The following EPHB2 variants were observed in gnomAD, a reference collection of about 807,000 sequenced individuals.
The protein encoded by EPHB2 is ephrin type-B receptor 2.
Under a neutral mutation model 96.4 loss-of-function variants are expected in EPHB2, and 18 were observed. The ratio of observed to expected loss-of-function variants is 0.19; its 90% CI spans 0.13 to 0.28. The LOEUF is 0.28. Ranked by LOEUF, EPHB2 falls within the 10% of genes least tolerant of loss-of-function variation. The pLI, the probability that EPHB2 is intolerant of heterozygous loss-of-function variation, is 1.00. For synonymous variants in EPHB2, 506 were observed against 534.1 expected, an observed-to-expected ratio of 0.95 and a Z score of 0.72; for missense variants, 989 against 1,355.4, an observed-to-expected ratio of 0.73 and a Z score of 4.25.
chr1:22,737,373 C>T (rs563330611), intron 1 of EPHB2, among the ~76,000 whole-genome samples: 2 of 152,178 alleles, frequency 1.3e-5, no homozygotes, highest in Admixed American at 1.3e-4. Flanking sequence ...TGACCTGGCC[C>T]CTGAGGCCTT....
intron 3 of EPHB2, among the ~76,000 whole-genome samples, chr1:22,818,516 T>C (rs1212174155): frequency 1.3e-5 from 2 of 152,098 alleles, no homozygotes; most frequent in African/African-American, 2.4e-5. Context: ...GGTCATGGTG[T>C]GTATCTACCT....
In EPHB2 at chr1:22,918,600, A is replaced by G. The variant is rs1039238175; in HGVS notation, c.*5030A>G. On this transcript the variant is annotated 3_prime_UTR_variant, in exon 16 of 16. Transcript: ENST00000374630. The surrounding 1 kb of genome is among the most constrained non-coding windows in gnomAD (Gnocchi z 4.2). The stretch of plus-strand genomic sequence containing the variant: ...CTGTGCTGTGTGATGCTACATACGC[A>G]TGCGAATACACCACCGGGTGGCCTT... 6.6e-6 allele frequency: 1 copy of G among 152,210 alleles called. No homozygotes were observed. The highest frequency in any genetic ancestry group is 1.5e-5 in the Non-Finnish European group (1 of 68,040). 9.4% of individuals were successfully genotyped at this position (152,210 alleles called of 1,614,324 possible).
intron 3 of EPHB2, among the ~76,000 whole-genome samples, chr1:22,835,383 G>A (rs59817007): frequency 0.51 from 77,418 of 151,656 alleles, 19,819 homozygotes; most frequent in Middle Eastern, 0.59. Flanking sequence ...CCATCTCAAA[G>A]AAAAAAGAGT....
Position 22,913,864 on chromosome 1 carries a change from G to T in EPHB2, c.*294G>T, listed in dbSNP as rs748207756. ...AGGAAAGCAATGACTGTTCTTGCGG[G>T]GGATAAAAAAGGGCTTGGGAGATTC... On this transcript the variant is annotated 3_prime_UTR_variant, in exon 16 of 16. Transcript: ENST00000374630. This position sits in a 1 kb window ranked among gnomAD's most constrained non-coding sequence, Gnocchi z 4.1. 15 of 1,597,984 alleles carry T rather than the reference G, an allele frequency of 9.4e-6. No individual in the cohort carries two copies. The Admixed American group carries it at 1.9e-4, about 21-fold the overall frequency.
intron 1 of EPHB2, among the ~76,000 whole-genome samples, chr1:22,723,070 A>G (rs1643502559): frequency 1.3e-5 from 2 of 152,176 alleles, no homozygotes; most frequent in African/African-American, 2.4e-5. Flanking sequence ...GCAGGGAGAG[A>G]GCGTGGGGTC....
chr1:22,713,912 G>A (rs1015318962), intron 1 of EPHB2, among the ~76,000 whole-genome samples: 1 of 152,196 alleles, frequency 6.6e-6, no homozygotes, highest in Non-Finnish European at 1.5e-5. Context: ...CCGACCAAGT[G>A]AAAGAAAGCA....
Position 22,784,365 on chromosome 1 carries a change from C to A in EPHB2, c.127-27C>A, listed in dbSNP as rs966152380. 2 of 1,612,612 alleles carry A rather than the reference C, an allele frequency of 1.2e-6. No homozygotes were observed. The highest frequency in any genetic ancestry group is 2.7e-5 in the African/African-American group (2 of 75,020). ...TGTGCTGGGGCTGAGCCCTTACCTC[C>A]CCACCTGACGAGCATTTTACCCACA... On this transcript the variant is annotated intron_variant, in intron 2 of 15. Transcript: ENST00000374630. This position sits in a 1 kb window ranked among gnomAD's most constrained non-coding sequence, Gnocchi z 5.1.
chr1:22,722,467 G>T (rs1002442924), intron 1 of EPHB2, among the ~76,000 whole-genome samples: 10 of 152,250 alleles, frequency 6.6e-5, no homozygotes, highest in African/African-American at 2.4e-4. Context: ...AAATGGGGAA[G>T]TTGAGGTTCA....
chr1:22,865,967 G>A (rs1001027038), intron 5 of EPHB2, among the ~76,000 whole-genome samples: 13 of 151,640 alleles, frequency 8.6e-5, no homozygotes, highest in African/African-American at 1.9e-4. Context: ...GGAAGTTGCC[G>A]GCCACCACAG....
rs370771618 is a variant in EPHB2, at chr1:22,746,876, G to A, written c.62-34545G>A. On this transcript the variant is annotated intron_variant, in intron 1 of 15. Coordinates refer to ENST00000374630, the MANE Select transcript of EPHB2 (RefSeq NM_017449.5). ...GCACCCTCCTGACCTGTGACCCCCC[G>A]GGGGTGCAAATCTCTTAGGTTAGCC... 3.4e-4 allele frequency among the ~76,000 whole-genome samples: 51 copies of A among 152,208 alleles called. 1 individual carries two copies. The highest frequency in any genetic ancestry group is 9.6e-4 in the African/African-American group (40 of 41,530).
At chr1:22,765,049 G>T (rs980530798) in intron 1 of EPHB2, among the ~76,000 whole-genome samples, 54 of 152,204 alleles carry the variant, frequency 3.5e-4, no homozygotes, top group Non-Finnish European at 1.6e-4. Context: ...GGCTGCTTGT[G>T]GGAGAGCAGA....
chr1:22,732,617 T>C (rs934463932), intron 1 of EPHB2, among the ~76,000 whole-genome samples: 1 of 152,216 alleles, frequency 6.6e-6, no homozygotes, highest in Non-Finnish European at 1.5e-5. Context: ...GAAGGGGTTC[T>C]TATTTTTGCC....
chr1:22,892,677 A>T (rs981475835), intron 6 of EPHB2: 2 of 716,054 alleles, frequency 2.8e-6, no homozygotes, highest in African/African-American at 1.7e-5. Context: ...TAAGACAGAG[A>T]CATATACTCT....
intron 1 of EPHB2, among the ~76,000 whole-genome samples, chr1:22,739,089 G>A (rs1643873506): frequency 6.6e-6 from 1 of 152,092 alleles, no homozygotes; most frequent in African/African-American, 2.4e-5. Context: ...ACCCAGGCTG[G>A]AATACAGTGG....
intron 3 of EPHB2, among the ~76,000 whole-genome samples, chr1:22,849,912 G>C (rs934638239): frequency 6.6e-6 from 1 of 152,224 alleles, no homozygotes; most frequent in African/African-American, 2.4e-5. Flanking sequence ...GGGTAAAGGG[G>C]CCCTGAAAGG....
intron 7 of EPHB2, 66 bp downstream of exon 7, chr1:22,893,112 C>T: frequency 3.7e-6 from 6 of 1,611,462 alleles, no homozygotes; most frequent in Non-Finnish European, 5.1e-6. Flanking sequence ...TCAAGGGTCA[C>T]CATTCTCATG....
At position 22,920,015 on chromosome 1, in the gene EPHB2, G is replaced by C. The variant is rs1331110654; in HGVS notation, c.*6445G>C. ...GAGCAAGAAAGAGAGAAAGAGATGG[G>C]GAGGGAGACAGCTGAAAACAGATAC... On this transcript the variant is annotated 3_prime_UTR_variant, in exon 16 of 16. Coordinates refer to ENST00000374630, the MANE Select transcript of EPHB2 (RefSeq NM_017449.5). 2 of 151,852 alleles carry C rather than the reference G, an allele frequency of 1.3e-5. No homozygotes were observed. Among genetic ancestry groups the C allele is most frequent in the African/African-American group, 4.9e-5 (2 of 41,124 alleles). 9.4% of individuals were successfully genotyped at this position (151,852 alleles called of 1,614,324 possible). A position where few individuals can be genotyped will look rare whatever the true frequency, so the allele number is the denominator to read the frequency against.
intron 3 of EPHB2, among the ~76,000 whole-genome samples, chr1:22,814,079 G>GCCTT (rs2148465078): frequency 6.6e-6 from 1 of 152,246 alleles, no homozygotes; most frequent in South Asian, 2.1e-4. Flanking sequence ...GGCTGAGGCA[G>GCCTT]GAGACTCTTG....
At chr1:22,882,327 C>T (rs2148550724) in intron 5 of EPHB2, 32 bp from the exon 6 acceptor site, 2 of 1,612,184 alleles carry the variant, frequency 1.2e-6, no homozygotes, top group Non-Finnish European at 1.7e-6. Flanking sequence ...TCTCATGCCT[C>T]CCTGATCCCT....
Sources: allele counts gnomAD v4.1 joint callset (sites outside exome capture counted in the v4.1 genomes callset), GRCh38; gene constraint gnomAD v4.1.1; non-coding constraint Gnocchi (gnomAD v3.1); transcripts MANE v1.5; gene names NCBI Gene and HGNC (gene_info 2026-07-23, HGNC 2026-07-21).